The following CLEC12A variants were observed in gnomAD, a reference collection of about 807,000 sequenced individuals.
CLEC12A encodes the protein C-type lectin protein CLL-1.
Under a neutral mutation model 26.5 loss-of-function variants are expected in CLEC12A, and 22 were observed. That is an observed-to-expected ratio of 0.83 (90% CI 0.59 to 1.19). The LOEUF is 1.19. Ranked by LOEUF, CLEC12A falls within the 50% of genes most tolerant of loss-of-function variation. The pLI, the probability that CLEC12A is intolerant of heterozygous loss-of-function variation, is 0.00. For synonymous variants in CLEC12A, 119 were observed against 101.9 expected (o/e 1.17, Z -1.01); for missense variants, 353 against 315.6 (o/e 1.12, Z -0.90).
At chr12:10,006,025 T>C in the CLEC12A span, among the ~76,000 whole-genome samples, 1 of 152,246 alleles carries the variant, frequency 6.6e-6, no homozygotes. Context: ...TAACTCAATA[T>C]TTCTTTTAAG....
In CLEC12A at chr12:9,971,685, A is replaced by C. The variant is rs1261447484; in HGVS notation, c.89A>C (p.Lys30Thr). The C allele has an allele frequency of 5.6e-6, 9 of 1,608,832 alleles. No homozygotes were observed. Among genetic ancestry groups the C allele is most frequent in the African/African-American group, 2.7e-5 (2 of 74,732 alleles). ...CCAGAAATTGGCAAATTTGGGGAAA[A>C]AGGTAAGATTTTGAGTTATGGATGT... The part of the protein sequence containing the change: ...KIPEIGKFGE[K>T]APPAPSHVWR... Residue 30 changes from lysine (K) to threonine (T), a missense_variant and splice_region_variant, in exon 1 of 6, where the codon AAA (lysine) becomes ACA (threonine). By Grantham distance (78) the Lys-to-Thr change is moderately conservative. Coordinates refer to ENST00000304361, the MANE Select transcript of CLEC12A (RefSeq NM_138337.6).
At chr12:9,979,639 G>A (rs139469795) in intron 3 of CLEC12A, 115 bp downstream of exon 3, 12 of 747,998 alleles carry the variant, frequency 1.6e-5, no homozygotes, top group Non-Finnish European at 2.5e-5. Context: ...ATAATTTGGG[G>A]GAAAGAATTA....
At chr12:9,959,233 A>G (rs1165785562) in intron 1 of CLEC12A, among the ~76,000 whole-genome samples, 3 of 151,734 alleles carry the variant, frequency 2.0e-5, no homozygotes, top group Admixed American at 6.6e-5. Flanking sequence ...GGTGGATCAC[A>G]TGAGGTCAGG....
chr12:9,961,917 C>T (rs1863835630), intron 1 of CLEC12A, among the ~76,000 whole-genome samples: 1 of 152,156 alleles, frequency 6.6e-6, no homozygotes, highest in African/African-American at 2.4e-5. Flanking sequence ...CACTATTGTC[C>T]TGAAGCTCTA....
intron 1 of CLEC12A, among the ~76,000 whole-genome samples, chr12:9,952,385 C>G (rs1476387073): frequency 6.6e-6 from 1 of 150,740 alleles, no homozygotes; most frequent in Non-Finnish European, 1.5e-5. Context: ...CTGTGTTGGC[C>G]GGGCCGGTCT....
chr12:9,991,507 CTAAA>C (rs1864892046), intron 4 of CLEC12A: 1 of 152,042 alleles, frequency 6.6e-6, no homozygotes, highest in South Asian at 2.1e-4. Context: ...TTTAGTTTCT[CTAAA>C]TAGACAATTC....
chr12:9,983,197 T>A (rs1005607507), intron 5 of CLEC12A, among the ~76,000 whole-genome samples: 2 of 152,112 alleles, frequency 1.3e-5, no homozygotes, highest in African/African-American at 4.8e-5. Context: ...CTGGATCAAA[T>A]GGTAATTCTA....
chr12:9,980,363 A>C (rs904328575), intron 3 of CLEC12A, among the ~76,000 whole-genome samples: 3 of 151,412 alleles, frequency 2.0e-5, no homozygotes, highest in African/African-American at 7.3e-5. Flanking sequence ...ACTTGAATCC[A>C]GGAGGTGGAG....
chr12:9,960,763 G>T (rs993317317), intron 1 of CLEC12A, among the ~76,000 whole-genome samples: 1 of 152,026 alleles, frequency 6.6e-6, no homozygotes, highest in Non-Finnish European at 1.5e-5. Context: ...AAACTTGTTT[G>T]TTTTCCTGAG....
intron 1 of CLEC12A, among the ~76,000 whole-genome samples, chr12:9,955,273 G>A (rs745595647): frequency 6.6e-6 from 1 of 152,036 alleles, no homozygotes; most frequent in Non-Finnish European, 1.5e-5. Context: ...TTTTTTAGTA[G>A]AGAAGAGGTT....
At chr12:9,998,947 T>C, downstream of CLEC12A, 1 of 759,822 alleles carries the variant, frequency 1.3e-6, no homozygotes, top group Non-Finnish European at 2.2e-6. Context: ...GAAATTAAAC[T>C]ATATATATTA....
downstream of CLEC12A, chr12:9,996,640 G>T (rs537276963): frequency 1.9e-5 from 13 of 677,608 alleles, no homozygotes; most frequent in Non-Finnish European, 3.2e-5. Flanking sequence ...AAGTCAATTT[G>T]ACTGATCAAC....
chr12:9,956,270 C>T (rs1424053135), intron 1 of CLEC12A, among the ~76,000 whole-genome samples: 1 of 152,174 alleles, frequency 6.6e-6, no homozygotes, highest in Non-Finnish European at 1.5e-5. Context: ...TTTGAATTAA[C>T]CTTTAGATAA....
chr12:9,997,750 T>TA (rs1225103873), downstream of CLEC12A, among the ~76,000 whole-genome samples: 8 of 152,190 alleles, frequency 5.3e-5, no homozygotes, highest in East Asian at 1.9e-4. Flanking sequence ...TAACATCTTT[T>TA]AAAAAAATCA....
At chr12:9,970,350 C>T (rs1864083802), upstream of CLEC12A, among the ~76,000 whole-genome samples, 1 of 151,816 alleles carries the variant, frequency 6.6e-6, no homozygotes, top group Non-Finnish European at 1.5e-5. Context: ...TTTTGTTTTT[C>T]CTGTCTATCC....
At chr12:9,954,976 A>C (rs1281326457) in intron 1 of CLEC12A, among the ~76,000 whole-genome samples, 1 of 152,256 alleles carries the variant, frequency 6.6e-6, no homozygotes, top group Non-Finnish European at 1.5e-5. Flanking sequence ...AGCCAAGAAC[A>C]AAATTATCTT....
intron 4 of CLEC12A, among the ~76,000 whole-genome samples, chr12:9,994,135 G>A (rs1021020678): frequency 2.0e-5 from 3 of 152,158 alleles, no homozygotes; most frequent in Non-Finnish European, 4.4e-5. Context: ...AAGAAGTGAT[G>A]TTTAAATAGA....
At chr12:9,956,699 T>A (rs1863746909) in intron 1 of CLEC12A, among the ~76,000 whole-genome samples, 1 of 152,234 alleles carries the variant, frequency 6.6e-6, no homozygotes, top group South Asian at 2.1e-4. Context: ...CAAACTATAA[T>A]AAGATTAAAA....
At chr12:9,978,418 T>C (rs200414628) in intron 1 of CLEC12A, among the ~76,000 whole-genome samples, 2,900 of 33,352 alleles carry the variant, frequency 0.087, 35 homozygotes, top group South Asian at 0.14. Context: ...TCTGGACTGA[T>C]TAAGATCAAA....
Sources: allele counts gnomAD v4.1 joint callset (sites outside exome capture counted in the v4.1 genomes callset), GRCh38; gene constraint gnomAD v4.1.1; transcripts MANE v1.5; gene names NCBI Gene and HGNC (gene_info 2026-07-23, HGNC 2026-07-21).